HKDC1: variants seen among roughly 807,000 people sequenced by gnomAD.
HKDC1 encodes the protein hexokinase domain containing 1, also known as hexokinase HKDC1.
A neutral mutation model predicts 96.6 loss-of-function variants in HKDC1; 66 were observed. The observed-to-expected ratio is 0.68, with a 90% CI of 0.56 to 0.84. The LOEUF is 0.84. Ranked by LOEUF, HKDC1 falls within the 40% of genes least tolerant of loss-of-function variation. The pLI is 0.00. For synonymous variants in HKDC1, 466 were observed against 473.1 expected (o/e 0.98, Z 0.20); for missense variants, 1,211 against 1,208.1 (o/e 1.00, Z -0.04).
At position 69,247,440 on chromosome 10, in the gene HKDC1, T is replaced by C; in HGVS notation, c.1112T>C (p.Val371Ala). 2 of 1,614,136 alleles carry C rather than the reference T, an allele frequency of 1.2e-6. No individual in the cohort carries two copies. Among genetic ancestry groups the C allele is most frequent in the Non-Finnish European group, 1.7e-6 (2 of 1,180,020 alleles). The change falls in exon 9 of 18, where the codon GTC becomes GCC. Residue 371 changes from valine to alanine, a missense_variant. Physicochemically the swap from Val to Ala is moderately conservative, Grantham distance 64. Coordinates refer to ENST00000354624, the MANE Select transcript of HKDC1 (RefSeq NM_025130.4). The part of the protein sequence containing the change: ...LEPSEADCIA[V>A]QHVCTIVSFR... ...CCGTCTGAGGCTGACTGCATTGCCG[T>C]CCAGCATGTCTGTACCATCGTCTCC...
chr10:69,265,606 G>A lies in HKDC1; in HGVS notation c.2394G>A (p.Gln798=). The A allele has an allele frequency of 6.2e-7, 1 of 1,613,684 alleles. No homozygotes were observed. Among genetic ancestry groups the A allele is most frequent in the Non-Finnish European group, 8.5e-7 (1 of 1,179,908 alleles). The change falls in exon 17 of 18, where the codon CAG becomes CAA. Residue 798 remains glutamine, a synonymous_variant. Coordinates refer to ENST00000354624, the MANE Select transcript of HKDC1 (RefSeq NM_025130.4). ...QIESDRLALL[Q]VRRILQQLGL... is the part of the protein sequence containing the mutation. ...GCAGCGATCGGCTGGCCCTTCTCCA[G>A]GTCAGGAGGATTCTGCAGCAGCTGG...
intron 1 of HKDC1, among the ~76,000 whole-genome samples, chr10:69,222,386 C>A (rs78983061): frequency 0.067 from 10,028 of 150,424 alleles, 1,139 homozygotes; most frequent in African/African-American, 0.23. Context: ...AGATTCAGAG[C>A]CCTCTACTGG....
chr10:69,246,077 A>G lies in HKDC1; in HGVS notation c.876-2A>G, dbSNP rs756724821. 1.2e-6 allele frequency: 2 copies of G among 1,613,844 alleles called. No individual in the cohort carries two copies. Among genetic ancestry groups the G allele is most frequent in the East Asian group, 4.5e-5 (2 of 44,868 alleles). ...TCCACAGATCTGTTCACCAACCTGCAGGTTCGAGAAGATGATCAGTGGCCT... is the reference window on the plus strand; with the variant it reads ...TCCACAGATCTGTTCACCAACCTGCGGGTTCGAGAAGATGATCAGTGGCCT... On this transcript the variant is annotated splice_acceptor_variant, in intron 7 of 17. Coordinates refer to ENST00000354624, the MANE Select transcript of HKDC1 (RefSeq NM_025130.4). LOFTEE classifies it high-confidence loss of function.
Position 69,247,551 on chromosome 10 carries a change from C to T in HKDC1, c.1223C>T (p.Thr408Ile). The change falls in exon 9 of 18, where the codon ACC becomes ATC. Residue 408 changes from threonine (T) to isoleucine (I), a missense_variant. Thr to Ile is a moderately conservative substitution (Grantham distance 89). Coordinates refer to ENST00000354624, the MANE Select transcript of HKDC1 (RefSeq NM_025130.4). The part of the protein sequence containing the change: ...RENKKVERLR[T>I]TVGMDGTLYK... ...AACAAGAAGGTGGAACGGCTCCGGA[C>T]CACAGTGGGCATGGACGGCACCCTC... 2 of 1,614,172 alleles carry T rather than the reference C, an allele frequency of 1.2e-6. No individual in the cohort carries two copies. Among genetic ancestry groups the T allele is most frequent in the Non-Finnish European group, 1.7e-6 (2 of 1,180,034 alleles).
intron 8 of HKDC1, among the ~76,000 whole-genome samples, chr10:69,247,106 C>T (rs749127200): frequency 6.6e-6 from 1 of 152,206 alleles, no homozygotes. Context: ...AGGGTAATGA[C>T]GGTGCCTCCC....
intron 15 of HKDC1, 71 bp from the exon 16 acceptor site, chr10:69,261,068 C>A: frequency 1.4e-6 from 2 of 1,440,438 alleles, no homozygotes; most frequent in Non-Finnish European, 9.7e-7. Flanking sequence ...GCTCCAAAGC[C>A]TGGCCTTCTC....
chr10:69,253,815 G>A (rs1326145407), intron 12 of HKDC1, among the ~76,000 whole-genome samples: 4 of 152,234 alleles, frequency 2.6e-5, no homozygotes, highest in Non-Finnish European at 4.4e-5. Flanking sequence ...GCAATCCCTG[G>A]CCTCAGCTTC....
chr10:69,243,041 T>C (rs1205347799), intron 6 of HKDC1, 141 bp from the exon 7 acceptor site: 2 of 766,992 alleles, frequency 2.6e-6, no homozygotes, highest in Non-Finnish European at 4.3e-6. Flanking sequence ...CCCAAGCTGC[T>C]TCCCTCAGCG....
At chr10:69,252,067 C>A (rs1843651548) in intron 12 of HKDC1, among the ~76,000 whole-genome samples, 1 of 152,270 alleles carries the variant, frequency 6.6e-6, no homozygotes, top group African/African-American at 2.4e-5. Context: ...GCAAGAAATG[C>A]ATTTCTTTTC....
At chr10:69,223,226 C>G (rs1843095056) in intron 1 of HKDC1, 1 of 152,176 alleles carries the variant, frequency 6.6e-6, no homozygotes, top group Non-Finnish European at 1.5e-5. Flanking sequence ...TTTCATGGCT[C>G]TGTATGTCAA....
intron 12 of HKDC1, among the ~76,000 whole-genome samples, chr10:69,255,056 T>TGCA (rs1278261984): frequency 6.6e-6 from 1 of 152,256 alleles, no homozygotes; most frequent in Non-Finnish European, 1.5e-5. Context: ...GGGTGCCGTG[T>TGCA]GCAGCTGTCT....
chr10:69,261,815 G>A (rs1843814782), intron 16 of HKDC1, among the ~76,000 whole-genome samples: 5 of 152,074 alleles, frequency 3.3e-5, no homozygotes, highest in Admixed American at 3.3e-4. Flanking sequence ...TTAATCTATG[G>A]GTTTCCTCTC....
At position 69,258,625 on chromosome 10, in the gene HKDC1, T is replaced by G. The variant is rs946502375; in HGVS notation, c.2033-151T>G. 3.2e-5 allele frequency: 24 copies of G among 749,908 alleles called. No homozygotes were observed. In the African/African-American group the frequency reaches 3.9e-4, roughly 12 times the overall value. 46.5% of individuals were successfully genotyped at this position (749,908 alleles called of 1,614,324 possible). On this transcript the variant is annotated intron_variant, in intron 14 of 17. Transcript: ENST00000354624. ...CTGAGCCTCTGAAAGATGAGATGCT[T>G]GCCCAAGGTTAGCCAGCTATGACTG...
chr10:69,249,259 G>A (rs758701402), intron 10 of HKDC1, among the ~76,000 whole-genome samples: 2 of 152,112 alleles, frequency 1.3e-5, no homozygotes, highest in African/African-American at 4.8e-5. Context: ...TGAATCTCAC[G>A]AGACTCTTCC....
intron 1 of HKDC1, among the ~76,000 whole-genome samples, chr10:69,226,789 G>T (rs1270949809): frequency 6.6e-6 from 1 of 152,222 alleles, no homozygotes; most frequent in South Asian, 2.1e-4. Context: ...ATCATTGGAT[G>T]AAAGAAAGCT....
chr10:69,241,416 A>G (rs570156517), intron 6 of HKDC1, among the ~76,000 whole-genome samples: 3 of 152,320 alleles, frequency 2.0e-5, no homozygotes, highest in Non-Finnish European at 4.4e-5. Flanking sequence ...TCACCGGCTT[A>G]TCCCCTGAGG....
chr10:69,260,407 C>T (rs1466250925), intron 15 of HKDC1, among the ~76,000 whole-genome samples: 1 of 152,216 alleles, frequency 6.6e-6, no homozygotes, highest in Non-Finnish European at 1.5e-5. Context: ...TCCCAAGGGG[C>T]AGTTCATTCT....
At chr10:69,247,338 C>A in intron 8 of HKDC1, 22 bp from the exon 9 acceptor site, 1 of 1,541,282 alleles carries the variant, frequency 6.5e-7, no homozygotes, top group Non-Finnish European at 9.0e-7. Context: ...GTGTCGTTCA[C>A]TCATTCCTGT....
rs1451024509 is a variant in HKDC1 at position 69,253,698 on chromosome 10, G to A, written c.1836+3046G>A. On this transcript the variant is annotated intron_variant, in intron 12 of 17. Coordinates refer to ENST00000354624, the MANE Select transcript of HKDC1 (RefSeq NM_025130.4). ...ATCCTTCACTTTCGAGGCAGCATAG[G>A]ATTGAAATTCAGCCTGGAAAAGGCC... Among the ~76,000 whole-genome samples the A allele has an allele frequency of 3.3e-5, 5 of 152,288 alleles. No homozygotes were observed. The South Asian group carries it at 8.3e-4, about 25-fold the overall frequency.
Sources: allele counts gnomAD v4.1 joint callset (sites outside exome capture counted in the v4.1 genomes callset), GRCh38; gene constraint gnomAD v4.1.1; transcripts MANE v1.5; gene names NCBI Gene and HGNC (gene_info 2026-07-23, HGNC 2026-07-21).